DIP2C: variants seen among roughly 807,000 people sequenced by gnomAD.
The protein encoded by DIP2C is DIP2 acetate--CoA ligase C (putative), also known as disco-interacting protein 2 homolog C.
Under a neutral mutation model 192.4 loss-of-function variants are expected in DIP2C, and 33 were observed. That is an observed-to-expected ratio of 0.17 (90% confidence interval 0.13 to 0.23). DIP2C has a LOEUF of 0.23. Among genes scored for constraint, DIP2C ranks in the 10% least tolerant of loss-of-function variants. The pLI, the probability that DIP2C is intolerant of heterozygous loss-of-function variation, is 1.00. For missense variants in DIP2C, 1,537 were observed against 2,110.1 expected (o/e 0.73, Z 5.32); for synonymous variants, 979 against 864.1 (o/e 1.13, Z -2.33).
chr10:529,336 G>A (rs1036610521), intron 1 of DIP2C, among the ~76,000 whole-genome samples: 1 of 141,084 alleles, frequency 7.1e-6, no homozygotes, highest in Non-Finnish European at 1.5e-5. Flanking sequence ...CTCTGTCCTA[G>A]AAGGCAGCGG....
At chr10:554,156 C>T (rs972646171) in intron 1 of DIP2C, among the ~76,000 whole-genome samples, 19 of 149,356 alleles carry the variant, frequency 1.3e-4, no homozygotes, top group Non-Finnish European at 2.1e-4. Context: ...CAGCTTGTAA[C>T]TAAGAGTGGT....
intron 3 of DIP2C, among the ~76,000 whole-genome samples, chr10:444,394 A>G: frequency 8.5e-6 from 1 of 117,320 alleles, no homozygotes; most frequent in South Asian, 2.3e-4. Context: ...CTGTTCATTC[A>G]TGAGGAGTGT....
At chr10:280,822 C>CAT (rs200684167) in intron 36 of DIP2C, among the ~76,000 whole-genome samples, 2,191 of 152,320 alleles carry the variant, frequency 0.014, 34 homozygotes, top group Non-Finnish European at 0.024. Context: ...TCCCATGTCT[C>CAT]ATGTTACTTC....
At chr10:467,528 TAAA>T (rs1206466475) in intron 3 of DIP2C, among the ~76,000 whole-genome samples, 4 of 16,264 alleles carry the variant, frequency 2.5e-4, no homozygotes, top group East Asian at 3.2e-3. Flanking sequence ...ACTTAAAGTA[TAAA>T]AAAAAAATAA....
rs1196892136 is a variant in DIP2C, at chr10:520,726, A to G, written c.86-34196T>C. On this transcript the variant is annotated intron_variant, in intron 1 of 36. Coordinates refer to ENST00000280886, the MANE Select transcript of DIP2C (RefSeq NM_014974.3). ...GTCAACCATCTGCTGCCAAAGTTTCACTTTAGGGCAAATAAGTTGGAAACC... is the reference window on the plus strand; with the variant it reads ...GTCAACCATCTGCTGCCAAAGTTTCGCTTTAGGGCAAATAAGTTGGAAACC... Among the ~76,000 whole-genome samples the G allele has an allele frequency of 5.9e-5, 9 of 152,182 alleles. No homozygotes were observed. The East Asian group carries it at 1.5e-3, about 26-fold the overall frequency.
chr10:279,105 A>G (rs1954674225), intron 36 of DIP2C, among the ~76,000 whole-genome samples: 1 of 152,212 alleles, frequency 6.6e-6, no homozygotes, highest in South Asian at 2.1e-4. Context: ...ATTTTCCTGG[A>G]AATTCTCAAC....
chr10:518,023 G>A (rs889031576), intron 1 of DIP2C, among the ~76,000 whole-genome samples: 7 of 152,242 alleles, frequency 4.6e-5, no homozygotes, highest in South Asian at 2.1e-4. Context: ...GCAGTTTGGT[G>A]GGGTGGGCGT....
At chr10:538,072 G>A (rs1424664449) in intron 1 of DIP2C, among the ~76,000 whole-genome samples, 4 of 152,080 alleles carry the variant, frequency 2.6e-5, no homozygotes, top group African/African-American at 9.7e-5. Context: ...TAACAGCCAC[G>A]AGCCACCGTG....
chr10:442,107 C>T lies in DIP2C; in HGVS notation c.269-1111G>A, dbSNP rs1032360943. Among the ~76,000 whole-genome samples, 11 of 152,240 alleles carry T rather than the reference C, an allele frequency of 7.2e-5. No homozygotes were observed. In the East Asian group the frequency reaches 1.5e-3, roughly 21 times the overall value. ...AAAGGCCCTAAACTGTGAGTGAGAA[C>T]GGTGTTAGCAGAATAAAATCACCAC... On this transcript the variant is annotated intron_variant, in intron 3 of 36. Transcript: ENST00000280886.
chr10:672,851 C>T (rs192937941), intron 1 of DIP2C, among the ~76,000 whole-genome samples: 1 of 152,310 alleles, frequency 6.6e-6, no homozygotes, highest in Admixed American at 6.5e-5. Context: ...AGGTGCTATA[C>T]AGAAAAGCTA....
chr10:414,739 G>GTGTGTGTGTGTGTGTATATATATA, intron 7 of DIP2C, among the ~76,000 whole-genome samples: 4 of 90,510 alleles, frequency 4.4e-5, no homozygotes, highest in South Asian at 4.0e-4. Context: ...GTGTGTGTGT[G>GTGTGTGTGTGTGTGTATATATATA]TACATATATA....
In DIP2C at chr10:583,401, C is replaced by T. The variant is rs1188858249; in HGVS notation, c.86-96871G>A. 2.6e-5 allele frequency among the ~76,000 whole-genome samples: 4 copies of T among 152,210 alleles called. 1 individual carries two copies. Among genetic ancestry groups the T allele is most frequent in the Admixed American group, 2.6e-4 (4 of 15,284 alleles). ...CCTGTTTGGTACCTGCATTAAAAGG[C>T]AATTCATTATCCTACATAAGGTCCT... On this transcript the variant is annotated intron_variant, in intron 1 of 36. Transcript: ENST00000280886.
At chr10:407,539 T>C (rs1272495330) in intron 9 of DIP2C, among the ~76,000 whole-genome samples, 1 of 152,178 alleles carries the variant, frequency 6.6e-6, no homozygotes, top group African/African-American at 2.4e-5. Context: ...CATTTTACAC[T>C]GTCACCAGCA....
chr10:340,392 T>C (rs1958085890), intron 29 of DIP2C, among the ~76,000 whole-genome samples: 1 of 152,088 alleles, frequency 6.6e-6, no homozygotes, highest in South Asian at 2.1e-4. Context: ...AATACAAAAC[T>C]GCTAAAATGC....
intron 1 of DIP2C, among the ~76,000 whole-genome samples, chr10:672,404 C>G (rs1220857944): frequency 6.6e-6 from 1 of 152,252 alleles, no homozygotes; most frequent in Non-Finnish European, 1.5e-5. Context: ...ATGCACTGTC[C>G]ACTCCCACTA....
intron 1 of DIP2C, among the ~76,000 whole-genome samples, chr10:558,408 AATC>A (rs780119788): frequency 5.9e-5 from 9 of 152,192 alleles, no homozygotes; most frequent in Non-Finnish European, 8.8e-5. Context: ...CCCCAGACCT[AATC>A]ATCTCTATTC....
intron 29 of DIP2C, among the ~76,000 whole-genome samples, chr10:331,220 T>A (rs913225913): frequency 2.0e-5 from 3 of 152,212 alleles, no homozygotes; most frequent in African/African-American, 7.2e-5. Context: ...GCCAATCTCA[T>A]CTAAAAATTT....
At chr10:509,422 T>TC (rs1235499789) in intron 1 of DIP2C, among the ~76,000 whole-genome samples, 1 of 151,722 alleles carries the variant, frequency 6.6e-6, no homozygotes, top group African/African-American at 2.4e-5. Flanking sequence ...TCCGCGCTGC[T>TC]CCCCCTCCCA....
chr10:552,623 G>T (rs1163194359), intron 1 of DIP2C, among the ~76,000 whole-genome samples: 2 of 152,226 alleles, frequency 1.3e-5, no homozygotes, highest in Non-Finnish European at 2.9e-5. Context: ...GGCCGAGGCG[G>T]GCGGATCACG....
Sources: gnomAD v4.1 joint callset for allele counts (sites outside exome capture counted in the v4.1 genomes callset) on GRCh38, gnomAD v4.1.1 for gene constraint, MANE v1.5 for transcripts, NCBI Gene and HGNC (gene_info 2026-07-23, HGNC 2026-07-21) for gene names.